The following EFHC2 variants were observed in gnomAD, a reference collection of about 807,000 sequenced individuals.
EFHC2 encodes EF-hand domain-containing family member C2.
Under a neutral mutation model 52.7 loss-of-function variants are expected in EFHC2, and 18 were observed. The ratio of observed to expected loss-of-function variants is 0.34; its 90% CI spans 0.24 to 0.51. EFHC2 has a LOEUF of 0.51. EFHC2 is among the 20% of genes least tolerant of loss of function. The pLI, the probability that EFHC2 is intolerant of heterozygous loss-of-function variation, is 0.97. For synonymous variants in EFHC2, 203 were observed against 204.1 expected (o/e 0.99, Z 0.04); for missense variants, 513 against 562.5 (o/e 0.91, Z 0.89).
intron 1 of EFHC2, among the ~76,000 whole-genome samples, chrX:44,327,898 C>T (rs1448180418): frequency 8.9e-6 from 1 of 112,010 alleles, no homozygotes; most frequent in Non-Finnish European, 1.9e-5. Flanking sequence ...TAGCCATCAA[C>T]TCAATATAAC....
chrX:44,206,609 A>G (rs1305897502), intron 11 of EFHC2, among the ~76,000 whole-genome samples: 1 of 111,998 alleles, frequency 8.9e-6, no homozygotes, highest in Non-Finnish European at 1.9e-5. Context: ...CCCATTTACA[A>G]TAGACACAAA....
rs764186011 is a variant in EFHC2 at position 44,239,903 on chromosome X, C to T, written c.1280+2218G>A. Among the ~76,000 whole-genome samples, 10 of 111,374 alleles carry T rather than the reference C, an allele frequency of 9.0e-5. No individual in the cohort carries two copies. In the South Asian group the frequency reaches 1.1e-3, roughly 13 times the overall value. On this transcript the variant is annotated intron_variant, in intron 8 of 14. Transcript: ENST00000420999. ...CTAGACAATCTGCCCAGCAGGCTAC[C>T]GCAGTGATATCTACCCAGATAATAA... is the stretch of plus-strand genomic sequence containing the variant.
At chrX:44,271,276 G>A (rs2037615482) in intron 3 of EFHC2, among the ~76,000 whole-genome samples, 1 of 111,409 alleles carries the variant, frequency 9.0e-6, no homozygotes, top group African/African-American at 3.3e-5. Flanking sequence ...ACCACGTTAG[G>A]CAGCTATTCT....
At chrX:44,257,513 A>G (rs1461600063) in intron 4 of EFHC2, among the ~76,000 whole-genome samples, 4 of 111,902 alleles carry the variant, frequency 3.6e-5, no homozygotes, top group Non-Finnish European at 5.6e-5. Context: ...AGACAGCCAA[A>G]TCATGAGTGA....
At chrX:44,152,075 T>C (rs941445165) in intron 14 of EFHC2, among the ~76,000 whole-genome samples, 4 of 112,118 alleles carry the variant, frequency 3.6e-5, no homozygotes, top group Admixed American at 2.8e-4. Context: ...ATGATGATGA[T>C]AAACTAGTTG....
intron 11 of EFHC2, among the ~76,000 whole-genome samples, chrX:44,213,695 G>C (rs762194437): frequency 8.9e-6 from 1 of 111,954 alleles, no homozygotes; most frequent in Non-Finnish European, 1.9e-5. Flanking sequence ...GCAGATGAAG[G>C]CTCCAGGTAG....
At chrX:44,211,041 TAAGTG>T (rs2037090995) in intron 11 of EFHC2, among the ~76,000 whole-genome samples, 2 of 111,755 alleles carry the variant, frequency 1.8e-5, no homozygotes, top group South Asian at 7.4e-4. Context: ...GGATGGCAAA[TAAGTG>T]AAGAAAAGAT....
intron 13 of EFHC2, among the ~76,000 whole-genome samples, chrX:44,173,407 T>A (rs1948646653): frequency 9.0e-6 from 1 of 110,744 alleles, no homozygotes; most frequent in South Asian, 3.8e-4. Flanking sequence ...CCCTGTGGAG[T>A]CTGTGGGGAA....
At chrX:44,189,223 G>A (rs2036901617) in intron 11 of EFHC2, among the ~76,000 whole-genome samples, 1 of 110,564 alleles carries the variant, frequency 9.0e-6, no homozygotes, top group South Asian at 3.9e-4. Context: ...CAAGAGCTCA[G>A]GGTATGTCAA....
chrX:44,240,633 T>C (rs1458858307), intron 8 of EFHC2, among the ~76,000 whole-genome samples: 1 of 111,839 alleles, frequency 8.9e-6, no homozygotes, highest in Non-Finnish European at 1.9e-5. Context: ...CTAAACACTG[T>C]TCTCGATAAG....
At chrX:44,338,500 A>G (rs940501453) in intron 1 of EFHC2, among the ~76,000 whole-genome samples, 6 of 109,286 alleles carry the variant, frequency 5.5e-5, no homozygotes, top group African/African-American at 2.0e-4. Context: ...AGAAAGAGCA[A>G]GACCCTATCG....
chrX:44,288,175 A>G (rs1292753376), intron 2 of EFHC2, among the ~76,000 whole-genome samples: 1 of 111,215 alleles, frequency 9.0e-6, no homozygotes, highest in African/African-American at 3.3e-5. Flanking sequence ...TTGACTTAGG[A>G]AAATTGATTT....
intron 7 of EFHC2, among the ~76,000 whole-genome samples, chrX:44,247,602 G>C (rs1041484197): frequency 9.0e-6 from 1 of 111,218 alleles, no homozygotes; most frequent in Non-Finnish European, 1.9e-5. Flanking sequence ...TAGGTTTCAC[G>C]TCACATCCTC....
intron 10 of EFHC2, among the ~76,000 whole-genome samples, chrX:44,231,427 G>A (rs2037275731): frequency 9.0e-6 from 1 of 111,380 alleles, no homozygotes; most frequent in Non-Finnish European, 1.9e-5. Context: ...TCAGAGCTGT[G>A]TTGTCAGCTG....
intron 4 of EFHC2, among the ~76,000 whole-genome samples, chrX:44,260,092 AG>A (rs746134683): frequency 1.5e-4 from 17 of 111,919 alleles, no homozygotes; most frequent in Non-Finnish European, 3.2e-4. Flanking sequence ...CTATGGGTAT[AG>A]AAATGAGAAC....
chrX:44,163,403 A>T (rs1268729634), intron 14 of EFHC2, among the ~76,000 whole-genome samples: 1 of 111,892 alleles, frequency 8.9e-6, no homozygotes, highest in Non-Finnish European at 1.9e-5. Context: ...GCACCATCTG[A>T]TCATGTGAAC....
intron 2 of EFHC2, among the ~76,000 whole-genome samples, chrX:44,280,316 T>A (rs1393075244): frequency 1.8e-5 from 2 of 111,154 alleles, no homozygotes; most frequent in African/African-American, 6.5e-5. Flanking sequence ...TTAGGAAATA[T>A]GAGCAAATAT....
chrX:44,156,727 GTTATAAAGT>G (rs2036609022), intron 14 of EFHC2, among the ~76,000 whole-genome samples: 1 of 112,509 alleles, frequency 8.9e-6, no homozygotes, highest in African/African-American at 3.2e-5. Context: ...CACAGTGTAA[GTTATAAAGT>G]TTATATGAGA....
chrX:44,333,376 A>G (rs891023554), intron 1 of EFHC2, among the ~76,000 whole-genome samples: 1 of 111,096 alleles, frequency 9.0e-6, no homozygotes, highest in African/African-American at 3.3e-5. Flanking sequence ...GGATGCTGCT[A>G]TCAGGCAAGG....
Sources: gnomAD v4.1 joint callset for allele counts (sites outside exome capture counted in the v4.1 genomes callset) on GRCh38, gnomAD v4.1.1 for gene constraint, MANE v1.5 for transcripts, NCBI Gene and HGNC (gene_info 2026-07-23, HGNC 2026-07-21) for gene names.